Variants in POR observed in about 807,000 individuals in gnomAD.
POR encodes NADPH--cytochrome P450 reductase.
In POR, 56 loss-of-function variants were observed where a neutral mutation model predicts 84.0. That is an observed-to-expected ratio of 0.67 (90% confidence interval 0.54 to 0.83). POR has a LOEUF of 0.83. Among genes scored for constraint, POR ranks in the 40% least tolerant of loss-of-function variants. The pLI, the probability that POR is intolerant of heterozygous loss-of-function variation, is 0.00. For missense variants in POR, 938 were observed against 944.3 expected, an observed-to-expected ratio of 0.99 and a Z score of 0.09; for synonymous variants, 414 against 400.5, an observed-to-expected ratio of 1.03 and a Z score of -0.40.
chr7:75,943,519 A>C (rs1337802267), intron 1 of POR, among the ~76,000 whole-genome samples: 2 of 152,194 alleles, frequency 1.3e-5, no homozygotes, highest in East Asian at 3.9e-4. Flanking sequence ...TAATAGATTC[A>C]AATTTTTTGC....
intron 1 of POR, among the ~76,000 whole-genome samples, chr7:75,935,614 G>A (rs1006763199): frequency 7.2e-6 from 1 of 138,256 alleles, no homozygotes; most frequent in Admixed American, 7.6e-5. Context: ...AGGGCTGCTC[G>A]GGGCTTGTGT....
chr7:75,982,095 T>C, intron 7 of POR, 129 bp from the exon 8 acceptor site: 1 of 705,112 alleles, frequency 1.4e-6, no homozygotes, highest in Middle Eastern at 2.3e-4. Context: ...GGGGCTCCCC[T>C]GCTTCTTGTC....
intron 3 of POR, among the ~76,000 whole-genome samples, chr7:75,978,684 C>G (rs552468781): frequency 6.6e-6 from 1 of 152,092 alleles, no homozygotes; most frequent in East Asian, 1.9e-4. Flanking sequence ...CCACCATGCC[C>G]GGCTAATTTT....
intron 1 of POR, among the ~76,000 whole-genome samples, chr7:75,919,683 C>T (rs1249829238): frequency 1.3e-5 from 2 of 152,090 alleles, no homozygotes; most frequent in South Asian, 2.1e-4. Flanking sequence ...TGAGCCACCG[C>T]GCCCAGCCCA....
chr7:75,982,035 G>T (rs1234520260), intron 7 of POR, 189 bp from the exon 8 acceptor site: 5 of 601,886 alleles, frequency 8.3e-6, no homozygotes, highest in Non-Finnish European at 1.5e-5. Context: ...GCAGCTCCAC[G>T]CCGCCTCCCT....
At chr7:75,923,717 G>A (rs1444763012) in intron 1 of POR, among the ~76,000 whole-genome samples, 9 of 151,876 alleles carry the variant, frequency 5.9e-5, no homozygotes, top group South Asian at 2.1e-4. Context: ...GAGAAACCCC[G>A]TCTCTACTAA....
At chr7:75,932,076 T>C (rs930355389) in intron 1 of POR, among the ~76,000 whole-genome samples, 1 of 152,244 alleles carries the variant, frequency 6.6e-6, no homozygotes, top group Non-Finnish European at 1.5e-5. Flanking sequence ...CAGAGAAATT[T>C]TGAAAATAAA....
At chr7:75,947,899 C>T (rs542489341) in intron 1 of POR, among the ~76,000 whole-genome samples, 1 of 151,932 alleles carries the variant, frequency 6.6e-6, no homozygotes. Context: ...TCTGTGTGCG[C>T]GTCAAGGGGA....
Position 75,981,050 on chromosome 7 carries a change from GT to G in POR, c.522del (p.Phe174LeufsTer83). 6.4e-7 allele frequency: 1 copy of G among 1,572,266 alleles called. No homozygotes were observed. The highest frequency in any genetic ancestry group is 8.6e-7 in the Non-Finnish European group (1 of 1,158,002). Reference sequence around the variant, plus strand: ...GAGCGGCCCCTGTGTCCACGCAGGTGTTTGGTCTTGGGAACAAGACCTACGA... The same window carrying G: ...GAGCGGCCCCTGTGTCCACGCAGGTGTTGGTCTTGGGAACAAGACCTACGA... On this transcript the variant is annotated frameshift_variant, in exon 6 of 16. Coordinates refer to ENST00000461988, the MANE Select transcript of POR (RefSeq NM_000941.3). LOFTEE classifies it high-confidence loss of function.
At chr7:75,939,856 C>A (rs1807884739) in intron 1 of POR, among the ~76,000 whole-genome samples, 1 of 151,926 alleles carries the variant, frequency 6.6e-6, no homozygotes, top group South Asian at 2.1e-4. Context: ...GATCCACCCG[C>A]CTCAGCCTCC....
chr7:75,986,477 G>A lies in POR; in HGVS notation c.2039G>A (p.Ser680Asn). ...GGCCGCTACTCCCTGGACGTGTGGA[G>A]CTAGGGGCCTGCCTGCCCCACCCAC... The change falls in exon 16 of 16, where the codon AGC becomes AAC. Residue 680 changes from serine to asparagine, a missense_variant. By Grantham distance (46) the Ser-to-Asn change is conservative. Coordinates refer to ENST00000461988, the MANE Select transcript of POR (RefSeq NM_000941.3). 6.2e-7 allele frequency: 1 copy of A among 1,608,752 alleles called. No homozygotes were observed. Among genetic ancestry groups the A allele is most frequent in the South Asian group, 1.1e-5 (1 of 90,964 alleles).
intron 1 of POR, among the ~76,000 whole-genome samples, chr7:75,924,440 G>A (rs1217028452): frequency 6.6e-6 from 1 of 152,180 alleles, no homozygotes; most frequent in African/African-American, 2.4e-5. Context: ...TTAGCACTGT[G>A]GGAGGCCGAG....
In POR at chr7:75,983,757, G is replaced by A. The variant is rs540924885; in HGVS notation, c.967G>A (p.Val323Met). 1.2e-5 allele frequency: 20 copies of A among 1,612,304 alleles called. No homozygotes were observed. Among genetic ancestry groups the A allele is most frequent in the South Asian group, 6.6e-5 (6 of 91,056 alleles). Reference sequence around the variant, plus strand: ...CTCCAGGTATGAATCTGGGGACCACGTGGCTGTGTACCCAGCCAACGACTC... The same window carrying A: ...CTCCAGGTATGAATCTGGGGACCACATGGCTGTGTACCCAGCCAACGACTC... The change falls in exon 10 of 16, where the codon GTG becomes ATG. Residue 323 changes from valine (V) to methionine (M), a missense_variant. By Grantham distance (21) the Val-to-Met change is conservative (BLOSUM62 1). Coordinates refer to ENST00000461988, the MANE Select transcript of POR (RefSeq NM_000941.3).
At chr7:75,923,126 G>A in intron 1 of POR, 1 of 905,406 alleles carries the variant, frequency 1.1e-6, no homozygotes, top group South Asian at 1.3e-5. Flanking sequence ...TATGTGACCT[G>A]GGGATTTCCA....
chr7:75,970,258 C>A (rs1355832002), intron 2 of POR, among the ~76,000 whole-genome samples: 2 of 152,034 alleles, frequency 1.3e-5, no homozygotes, highest in African/African-American at 4.8e-5. Flanking sequence ...ATCAATCAGT[C>A]GGGCCCCACA....
intron 1 of POR, among the ~76,000 whole-genome samples, chr7:75,950,251 C>A (rs782231563): frequency 6.6e-6 from 1 of 152,154 alleles, no homozygotes; most frequent in Non-Finnish European, 1.5e-5. Flanking sequence ...GCGGTGATTA[C>A]GTAGGTGCAG....
chr7:75,976,887 G>T (rs1554556927), intron 3 of POR, among the ~76,000 whole-genome samples: 1 of 151,960 alleles, frequency 6.6e-6, no homozygotes, highest in African/African-American at 2.4e-5. Flanking sequence ...TCTCACTCCT[G>T]TCACCCAGGC....
Position 75,981,831 on chromosome 7 carries a change from G to A in POR, c.731+225G>A, listed in dbSNP as rs10954732. The A allele has an allele frequency of 0.61, 358,337 of 585,646 alleles. 112,355 individuals carry two copies. Among genetic ancestry groups the A allele is most frequent in the Non-Finnish European group, 0.67 (223,755 of 331,498 alleles). 36.3% of individuals were successfully genotyped at this position (585,646 alleles called of 1,614,324 possible). On this transcript the variant is annotated intron_variant, in intron 7 of 15. Transcript: ENST00000461988. ...CCACCTCTCGACAAGGACACATCGC[G>A]TCGGGCTCTGTGGCTAGGTTCAACT...
rs188526202 is a variant in POR, at chr7:75,978,917, C to T, written c.238-534C>T. Among the ~76,000 whole-genome samples, 381 of 152,222 alleles carry T rather than the reference C, an allele frequency of 2.5e-3. 2 individuals carry two copies. The highest frequency in any genetic ancestry group is 2.0e-3 in the Non-Finnish European group (138 of 68,020). ...GTTCAAGCTGTTTTCCTGCCTCAGC[C>T]TCCCTAGTAACTGGGATTACAGGTG... On this transcript the variant is annotated intron_variant, in intron 3 of 15. Coordinates refer to ENST00000461988, the MANE Select transcript of POR (RefSeq NM_000941.3).
Sources: gnomAD v4.1 joint callset for allele counts (sites outside exome capture counted in the v4.1 genomes callset) on GRCh38, gnomAD v4.1.1 for gene constraint, MANE v1.5 for transcripts, NCBI Gene and HGNC (gene_info 2026-07-23, HGNC 2026-07-21) for gene names.